TSHZ3: variants seen among roughly 807,000 people sequenced by gnomAD.
TSHZ3 encodes the protein teashirt homolog 3.
Under a neutral mutation model 64.5 loss-of-function variants are expected in TSHZ3, and 10 were observed. The observed-to-expected ratio is 0.16, with a 90% CI of 0.10 to 0.26. The LOEUF (loss-of-function observed/expected upper bound fraction) is 0.26, where lower values mean the gene tolerates loss of function less well. TSHZ3 is among the 10% of genes least tolerant of loss of function. The probability of loss-of-function intolerance (pLI) is 1.00; values close to 1 mark genes in which losing one functional copy is unlikely to be tolerated. For synonymous variants in TSHZ3, 608 were observed against 593.1 expected, an observed-to-expected ratio of 1.03 and a Z score of -0.36; for missense variants, 1,242 against 1,421.7, an observed-to-expected ratio of 0.87 and a Z score of 2.03.
chr19:31,168,020 A>G (rs1974479537), intron 5 of TSHZ3, among the ~76,000 whole-genome samples: 1 of 152,348 alleles, frequency 6.6e-6, no homozygotes, highest in East Asian at 1.9e-4. Context: ...GTAAAAGAGG[A>G]GAGCTCAAAG....
chr19:31,276,568 G>C lies in TSHZ3; in HGVS notation c.3225C>G (p.Val1075=). ...GKSPEDHLLY[V]SELEKQ is the part of the protein sequence containing the mutation. ...AATGCTACTGCTTCTCTAACTCAGA[G>C]ACATACAGAAGGTGGTCTTCCGGAG... The change falls in exon 2 of 2, where the codon GTC becomes GTG. Residue 1075 remains valine (V), a synonymous_variant. Transcript: ENST00000240587. 3.2e-6 allele frequency: 5 copies of C among 1,568,338 alleles called. No homozygotes were observed. The highest frequency in any genetic ancestry group is 4.3e-6 in the Non-Finnish European group (5 of 1,153,468).
chr19:31,335,550 T>G, intron 1 of TSHZ3, among the ~76,000 whole-genome samples: 1 of 152,216 alleles, frequency 6.6e-6, no homozygotes, highest in East Asian at 1.9e-4. Context: ...CACTGCTGTG[T>G]GTTCAGAAAA....
chr19:31,279,952 A>G lies in TSHZ3; in HGVS notation c.41-200T>C, dbSNP rs1976333727. Among the ~76,000 whole-genome samples the G allele has an allele frequency of 9.9e-6, 1 of 100,956 alleles. No homozygotes were observed. The allele number at this position is 100,956 out of a possible 152,430, so 66.2% of individuals were successfully genotyped here. A position where few individuals can be genotyped will look rare whatever the true frequency, so the allele number is the denominator to read the frequency against. On this transcript the variant is annotated intron_variant, in intron 1 of 1. Coordinates refer to ENST00000240587, the MANE Select transcript of TSHZ3 (RefSeq NM_020856.4). This position sits in a 1 kb window ranked among gnomAD's most constrained non-coding sequence, Gnocchi z 6.4. ...CAGTTAAAATGTGGTGTTTCTTTGG[A>G]GCAAAAAAAAAAAAAAATCTGCTCT...
At chr19:31,339,561 C>T (rs1453078106) in intron 1 of TSHZ3, among the ~76,000 whole-genome samples, 1 of 152,004 alleles carries the variant, frequency 6.6e-6, no homozygotes, top group Admixed American at 6.6e-5. Flanking sequence ...TGGCTGGGGC[C>T]CATATGATAA....
chr19:31,273,048 A>AG (rs1370475109), downstream of TSHZ3, among the ~76,000 whole-genome samples: 1 of 152,206 alleles, frequency 6.6e-6, no homozygotes. Context: ...CAGGGAAACC[A>AG]GGGCCATTCT....
chr19:31,236,256 C>T (rs1258440503), intron 3 of TSHZ3, among the ~76,000 whole-genome samples: 1 of 152,196 alleles, frequency 6.6e-6, no homozygotes, highest in African/African-American at 2.4e-5. Context: ...TTCACACCAA[C>T]GGTGTACAAA....
intron 5 of TSHZ3, among the ~76,000 whole-genome samples, chr19:31,197,234 G>T (rs1026489889): frequency 6.6e-6 from 1 of 151,648 alleles, no homozygotes; most frequent in Non-Finnish European, 1.5e-5. Flanking sequence ...AATATCAAGA[G>T]AAATTTAAAA....
chr19:31,179,296 TA>T (rs1308667758), intron 5 of TSHZ3, among the ~76,000 whole-genome samples: 3 of 152,154 alleles, frequency 2.0e-5, no homozygotes, highest in African/African-American at 4.8e-5. Flanking sequence ...GGTCATCTGA[TA>T]ACCTTTGCCA....
At chr19:31,350,530 T>TC (rs913078148), upstream of TSHZ3, among the ~76,000 whole-genome samples, 1 of 95,598 alleles carries the variant, frequency 1.0e-5, no homozygotes, top group African/African-American at 4.2e-5. Context: ...CGCCAGGGGC[T>TC]CCCCCCGAGA....
chr19:31,300,617 C>T (rs1019674638), intron 1 of TSHZ3, among the ~76,000 whole-genome samples: 30 of 152,200 alleles, frequency 2.0e-4, no homozygotes, highest in African/African-American at 5.8e-4. Flanking sequence ...GCACCACCTC[C>T]TGCTCCAGGT....
At chr19:31,244,060 AAT>A (rs1370931098) in intron 1 of TSHZ3, among the ~76,000 whole-genome samples, 3 of 152,174 alleles carry the variant, frequency 2.0e-5, no homozygotes, top group Admixed American at 2.0e-4. Context: ...GATATAGTTA[AAT>A]ATTTGCATTC....
intron 1 of TSHZ3, among the ~76,000 whole-genome samples, chr19:31,304,965 T>C (rs552204457): frequency 2.6e-4 from 40 of 152,352 alleles, no homozygotes; most frequent in African/African-American, 9.6e-4. Context: ...ATTTAATAAC[T>C]GTGATCAGTT....
chr19:31,182,945 T>C (rs1974740132), intron 5 of TSHZ3, among the ~76,000 whole-genome samples: 1 of 152,200 alleles, frequency 6.6e-6, no homozygotes, highest in Non-Finnish European at 1.5e-5. Flanking sequence ...ATTTAAATCA[T>C]TAGATTTAGA....
intron 1 of TSHZ3, among the ~76,000 whole-genome samples, chr19:31,300,566 G>A (rs1976737237): frequency 1.3e-5 from 2 of 152,172 alleles, no homozygotes; most frequent in South Asian, 2.1e-4. Flanking sequence ...GGCCCCAGGA[G>A]AGCTGGCCCA....
chr19:31,205,672 G>A lies in TSHZ3; in HGVS notation n.687-594C>T, dbSNP rs1225018744. 2.6e-5 allele frequency among the ~76,000 whole-genome samples: 4 copies of A among 152,296 alleles called. 1 individual carries two copies. In the South Asian group the frequency reaches 8.3e-4, roughly 32 times the overall value. ...TCCTTCACTGCCATTCCAAAGAGAGGAATGACTGCCCGACCCTCCATCTGG... is the reference window on the plus strand; with the variant it reads ...TCCTTCACTGCCATTCCAAAGAGAGAAATGACTGCCCGACCCTCCATCTGG... On this transcript the variant is annotated intron_variant and non_coding_transcript_variant, in intron 4 of 6. Transcript: ENST00000651361.
intron 5 of TSHZ3, among the ~76,000 whole-genome samples, chr19:31,203,578 T>C (rs1201417895): frequency 1.3e-5 from 2 of 151,918 alleles, no homozygotes; most frequent in African/African-American, 4.8e-5. Context: ...TGAGAATGGG[T>C]CCTTAAACAT....
chr19:31,223,701 G>T (rs1239178820), intron 4 of TSHZ3, among the ~76,000 whole-genome samples: 1 of 152,180 alleles, frequency 6.6e-6, no homozygotes, highest in East Asian at 1.9e-4. Flanking sequence ...CACACAGAAA[G>T]TTTCCTGTCC....
intron 5 of TSHZ3, among the ~76,000 whole-genome samples, chr19:31,183,785 A>G (rs2145129872): frequency 6.6e-6 from 1 of 152,224 alleles, no homozygotes; most frequent in Non-Finnish European, 1.5e-5. Context: ...TCATCCCCCA[A>G]AAGGAAGAGG....
chr19:31,160,953 T>C (rs1385043801), intron 5 of TSHZ3, among the ~76,000 whole-genome samples: 1 of 152,224 alleles, frequency 6.6e-6, no homozygotes, highest in East Asian at 1.9e-4. Context: ...AAATTTGTCA[T>C]GCATTTCCTT....
Sources: allele counts gnomAD v4.1 joint callset (sites outside exome capture counted in the v4.1 genomes callset), GRCh38; gene constraint gnomAD v4.1.1; non-coding constraint Gnocchi (gnomAD v3.1); transcripts MANE v1.5; gene names NCBI Gene and HGNC (gene_info 2026-07-23, HGNC 2026-07-21).